The following NHSL1 variants were observed in gnomAD, a reference collection of about 807,000 sequenced individuals.
NHSL1 encodes NHS like 1, also known as NHS-like protein 1.
Under a neutral mutation model 95.0 loss-of-function variants are expected in NHSL1, and 48 were observed. The ratio of observed to expected loss-of-function variants is 0.51; its 90% CI spans 0.40 to 0.64. The LOEUF is 0.64. Ranked by LOEUF, NHSL1 falls within the 30% of genes least tolerant of loss-of-function variation. NHSL1 has a pLI of 0.00. For synonymous variants in NHSL1, 783 were observed against 833.9 expected (o/e 0.94, Z 1.05); for missense variants, 1,971 against 2,077.7 (o/e 0.95, Z 1.00).
chr6:138,656,422 C>T, intron 1 of NHSL1, among the ~76,000 whole-genome samples: 1 of 152,110 alleles, frequency 6.6e-6, no homozygotes, highest in Non-Finnish European at 1.5e-5. Flanking sequence ...AATCATGCGG[C>T]CCTCTCAGAG....
upstream of NHSL1, among the ~76,000 whole-genome samples, chr6:138,546,540 T>TGTGTG (rs1782810106): frequency 6.8e-6 from 1 of 146,836 alleles, no homozygotes; most frequent in Admixed American, 6.8e-5. Context: ...GACCAAGAGG[T>TGTGTG]CGAGACTGCA....
intron 1 of NHSL1, among the ~76,000 whole-genome samples, chr6:138,607,506 G>A (rs919505630): frequency 2.0e-5 from 3 of 152,188 alleles, no homozygotes; most frequent in Non-Finnish European, 2.9e-5. Context: ...AAAACTGTGC[G>A]TGTTTTTATG....
intron 1 of NHSL1, among the ~76,000 whole-genome samples, chr6:138,520,264 G>A (rs1410116193): frequency 2.7e-5 from 4 of 148,392 alleles, no homozygotes; most frequent in Non-Finnish European, 4.5e-5. Context: ...GCTGGAATAC[G>A]CTGCCTAGTT....
intron 1 of NHSL1, among the ~76,000 whole-genome samples, chr6:138,681,147 G>A (rs1326987409): frequency 6.6e-6 from 1 of 151,950 alleles, no homozygotes. Context: ...ATAATACTTT[G>A]GATTATATAT....
At position 138,591,967 on chromosome 6, in the gene NHSL1, G is replaced by C. The variant is rs540683068; in HGVS notation, c.97-95596C>G. On this transcript the variant is annotated intron_variant, in intron 1 of 3. Transcript: ENST00000491526. ...TTTCAGGCATCCACCGAGGGTTTTG[G>C]AACCTATCCCTCATGGATAAAGGGA... 5.9e-5 allele frequency among the ~76,000 whole-genome samples: 9 copies of C among 152,246 alleles called. No homozygotes were observed. In the East Asian group the frequency reaches 1.7e-3, roughly 29 times the overall value.
At chr6:138,486,902 AAAGGACTTCC>A (rs1216315301) in intron 2 of NHSL1, among the ~76,000 whole-genome samples, 2 of 152,204 alleles carry the variant, frequency 1.3e-5, no homozygotes, top group Non-Finnish European at 2.9e-5. Context: ...ACAAGGTAGA[AAAGGACTTCC>A]TGGGGCTACC....
rs537591727 is a variant in NHSL1, at chr6:138,519,325, T to C, written c.17-22954A>G. Among the ~76,000 whole-genome samples, 265 of 152,296 alleles carry C rather than the reference T, an allele frequency of 1.7e-3. 1 individual carries two copies. The highest frequency in any genetic ancestry group is 3.4e-3 in the Middle Eastern group (1 of 294). On this transcript the variant is annotated intron_variant, in intron 1 of 4. Coordinates refer to the NHSL1 transcript ENST00000342260. Reference sequence around the variant, plus strand: ...CCCAATTTTCCTTTTGATAAAGCAATGACCTTAAAAAAATGTGTTATCAAA... The same window carrying C: ...CCCAATTTTCCTTTTGATAAAGCAACGACCTTAAAAAAATGTGTTATCAAA...
In NHSL1 at chr6:138,437,353, TATAC is replaced by T. The variant is rs1562270247; in HGVS notation, c.665-3677_665-3674del. On this transcript the variant is annotated intron_variant, in intron 5 of 7. Transcript: ENST00000343505. ...ACATATATATATATACACATATATATATACACATATATATATATACACATATATA... is the reference window on the plus strand; with the variant it reads ...ACATATATATATATACACATATATATACATATATATATATACACATATATA... 3.3e-4 allele frequency among the ~76,000 whole-genome samples: 23 copies of T among 69,730 alleles called. 4 individuals are homozygous for T. The highest frequency in any genetic ancestry group is 1.5e-3 in the African/African-American group (21 of 14,412). 45.7% of individuals were successfully genotyped at this position (69,730 alleles called of 152,430 possible).
At chr6:138,581,682 A>G (rs1169670326) in intron 1 of NHSL1, among the ~76,000 whole-genome samples, 1 of 129,962 alleles carries the variant, frequency 7.7e-6, no homozygotes, top group Non-Finnish European at 1.6e-5. Context: ...ACAGAGTGAG[A>G]CTCCGTCTCC....
intron 3 of NHSL1, among the ~76,000 whole-genome samples, chr6:138,449,691 T>A (rs922973316): frequency 1.2e-4 from 18 of 150,578 alleles, no homozygotes; most frequent in East Asian, 3.9e-4. Flanking sequence ...AAAAAAAAAA[T>A]TTGTGGATAT....
At chr6:138,607,127 T>C (rs1309914372) in intron 1 of NHSL1, among the ~76,000 whole-genome samples, 1 of 152,238 alleles carries the variant, frequency 6.6e-6, no homozygotes, top group African/African-American at 2.4e-5. Flanking sequence ...TTATTTCCTC[T>C]TCTTTATTTC....
Position 138,431,584 on chromosome 6 carries a change from C to T in NHSL1, c.2761G>A (p.Asp921Asn), listed in dbSNP as rs1218639958. ...GCCGGGGGAGAGCCCACGGCTGGAT[C>T]CAGCTTCTTCATAGTGCCACTTCCT... is the stretch of plus-strand genomic sequence containing the variant. ...TEGSGTMKKL[D>N]PAVGSPPAPP... Residue 921 changes from aspartate (D) to asparagine (N), a missense_variant, in exon 6 of 8, where the codon GAT becomes AAT. Transcript: ENST00000343505. The surrounding 1 kb of genome is among the most constrained non-coding windows in gnomAD (Gnocchi z 4.0). The T allele has an allele frequency of 6.4e-6, 10 of 1,551,450 alleles. No individual in the cohort carries two copies. Among genetic ancestry groups the T allele is most frequent in the East Asian group, 4.9e-5 (2 of 40,902 alleles).
intron 1 of NHSL1, among the ~76,000 whole-genome samples, chr6:138,578,693 T>C (rs1252283353): frequency 3.3e-5 from 5 of 152,094 alleles, no homozygotes; most frequent in African/African-American, 1.2e-4. Context: ...ACTCAACCAG[T>C]TTTTCTTTTT....
intron 1 of NHSL1, among the ~76,000 whole-genome samples, chr6:138,522,675 TG>T (rs1781733252): frequency 6.6e-6 from 1 of 151,996 alleles, no homozygotes; most frequent in South Asian, 2.1e-4. Flanking sequence ...TACTCAGGTG[TG>T]GTGGCGCACA....
intron 1 of NHSL1, among the ~76,000 whole-genome samples, chr6:138,617,058 T>C (rs570612306): frequency 1.8e-4 from 27 of 152,260 alleles, no homozygotes; most frequent in African/African-American, 6.3e-4. Context: ...GAAGATAAAT[T>C]ATATGGTTCA....
Position 138,681,714 on chromosome 6 carries a change from C to CT in NHSL1, c.96+10761dup, listed in dbSNP as rs111951072. Among the ~76,000 whole-genome samples the CT allele has an allele frequency of 3.2e-4, 48 of 151,416 alleles. 1 individual carries two copies. The highest frequency in any genetic ancestry group is 2.3e-3 in the South Asian group (11 of 4,770). On this transcript the variant is annotated intron_variant, in intron 1 of 3. Transcript: ENST00000491526. ...ACATACCCTCACTTAATTCTATTTCCTTTTTTTTTACACATCGTGGTCTCT... is the reference window on the plus strand; with the variant it reads ...ACATACCCTCACTTAATTCTATTTCCTTTTTTTTTTACACATCGTGGTCTCT...
At position 138,467,355 on chromosome 6, in the gene NHSL1, T is replaced by C. The variant is rs1012438953; in HGVS notation, c.339+5951A>G. On this transcript the variant is annotated intron_variant, in intron 3 of 7. Coordinates refer to ENST00000343505, the MANE Select transcript of NHSL1 (RefSeq NM_001144060.2). ...TTTTAGTAGAGACGGGGTTTTGCCG[T>C]GTTAGCCAGGATGGTCTCGATCTCC... 5.3e-5 allele frequency among the ~76,000 whole-genome samples: 8 copies of C among 152,214 alleles called. No individual in the cohort carries two copies. The East Asian group carries it at 1.4e-3, about 26-fold the overall frequency.
intron 1 of NHSL1, among the ~76,000 whole-genome samples, chr6:138,640,438 T>C (rs1324993451): frequency 6.6e-6 from 1 of 152,172 alleles, no homozygotes. Flanking sequence ...CCCACATACA[T>C]GCAGATTTTC....
rs1025812565 is a variant in NHSL1, at chr6:138,569,844, G to A, written c.202+1866C>T. Among the ~76,000 whole-genome samples, 7 of 151,552 alleles carry A rather than the reference G, an allele frequency of 4.6e-5. No individual in the cohort carries two copies. The East Asian group carries it at 7.7e-4, about 17-fold the overall frequency. On this transcript the variant is annotated intron_variant, in intron 1 of 6. Coordinates refer to the NHSL1 transcript ENST00000427025. ...CTTTTTAAGGATTCTTTCTGACACC[G>A]TATGTCAAAAATCATATTATTCATG...
Sources: allele counts gnomAD v4.1 joint callset (sites outside exome capture counted in the v4.1 genomes callset), GRCh38; gene constraint gnomAD v4.1.1; non-coding constraint Gnocchi (gnomAD v3.1); transcripts MANE v1.5; gene names NCBI Gene and HGNC (gene_info 2026-07-23, HGNC 2026-07-21).